The following MAP4K1 variants were observed in gnomAD, a reference collection of about 807,000 sequenced individuals.
MAP4K1 encodes mitogen-activated protein kinase kinase kinase kinase 1.
In MAP4K1, 35 loss-of-function variants were observed where a neutral mutation model predicts 122.8. That is an observed-to-expected ratio of 0.29 (90% confidence interval 0.22 to 0.38). The LOEUF (loss-of-function observed/expected upper bound fraction) is 0.38, where lower values mean the gene tolerates loss of function less well. MAP4K1 is among the 10% of genes least tolerant of loss of function. The pLI, the probability that MAP4K1 is intolerant of heterozygous loss-of-function variation, is 1.00. For synonymous variants in MAP4K1, 412 were observed against 421.3 expected (o/e 0.98, Z 0.27); for missense variants, 791 against 1,072.6 (o/e 0.74, Z 3.67).
chr19:38,614,921 CAAAAAAAAAAAA>C (rs562410574), intron 4 of MAP4K1: 22 of 21,576 alleles, frequency 1.0e-3, no homozygotes, highest in Admixed American at 4.2e-3. Flanking sequence ...GGCTCTGTCT[CAAAAAAAAAAAA>C]AAAAAAAAAA....
intron 11 of MAP4K1, among the ~76,000 whole-genome samples, chr19:38,610,356 C>G (rs2144735510): frequency 1.3e-5 from 2 of 149,496 alleles, no homozygotes; most frequent in South Asian, 4.2e-4. Context: ...CAGGCTCGTG[C>G]CACCACGCCC....
At chr19:38,593,801 AAC>A (rs1974795346) in intron 29 of MAP4K1, among the ~76,000 whole-genome samples, 1 of 152,186 alleles carries the variant, frequency 6.6e-6, no homozygotes, top group Admixed American at 6.6e-5. Context: ...GAATCGCTTG[AAC>A]CTGGGTGGCA....
At position 38,600,151 on chromosome 19, in the gene MAP4K1, G is replaced by T; in HGVS notation, c.1534C>A (p.Gln512Lys). Residue 512 changes from glutamine to lysine, a missense_variant and splice_region_variant, in exon 21 of 31, where the codon CAG (glutamine) becomes AAG (lysine). Gln to Lys is a moderately conservative substitution (Grantham distance 53). Around this residue, in one of 4 missense-constraint regions of MAP4K1, gnomAD observed 58 missense variants for 118.7 expected, o/e 0.49. Transcript: ENST00000396857. ...AAWTHPSTKD[Q>K]HLLLGAEEGI... is the part of the protein sequence containing the mutation. ...TCCTCTGCCCCCAGGAGCAGGTGCT[G>T]GTCTGGAGGCACAGACAAGGACGCT... The T allele has an allele frequency of 6.2e-7, 1 of 1,614,014 alleles. No individual in the cohort carries two copies. The highest frequency in any genetic ancestry group is 1.1e-5 in the South Asian group (1 of 91,082).
chr19:38,593,389 C>T (rs1252080974), intron 29 of MAP4K1, 52 bp from the exon 30 acceptor site: 3 of 1,501,200 alleles, frequency 2.0e-6, no homozygotes, highest in South Asian at 2.4e-5. Flanking sequence ...TCCACTGTCA[C>T]TACGAACATG....
intron 8 of MAP4K1, among the ~76,000 whole-genome samples, chr19:38,613,101 A>C (rs1293375487): frequency 2.6e-5 from 4 of 152,098 alleles, no homozygotes; most frequent in African/African-American, 7.2e-5. Context: ...TGAGGTGAGG[A>C]GTTCGAGACC....
intron 30 of MAP4K1, 150 bp downstream of exon 30, chr19:38,593,132 A>G: frequency 1.6e-6 from 1 of 611,390 alleles, no homozygotes; most frequent in Non-Finnish European, 2.7e-6. Context: ...TGCAGTGCAG[A>G]GAACAGACTC....
intron 30 of MAP4K1, among the ~76,000 whole-genome samples, chr19:38,592,830 T>C (rs1032521676): frequency 3.3e-5 from 5 of 151,774 alleles, no homozygotes; most frequent in Non-Finnish European, 7.4e-5. Flanking sequence ...GGCAAGAGAA[T>C]CGCTTGAACC....
In MAP4K1 at chr19:38,607,559, C is replaced by CAA. The variant is rs759008757; in HGVS notation, c.1157+303_1157+304dup. On this transcript the variant is annotated intron_variant, in intron 16 of 30. Transcript: ENST00000396857. Reference sequence around the variant, plus strand: ...TGGGCCACAGAGTGAGACTCCATCTCAAAAAAAAAAAAAAAAAAAAAGAAG... The same window carrying CAA: ...TGGGCCACAGAGTGAGACTCCATCTCAAAAAAAAAAAAAAAAAAAAAAAGAAG... Among the ~76,000 whole-genome samples the CAA allele has an allele frequency of 1.2e-3, 66 of 54,842 alleles. 1 individual carries two copies. Among genetic ancestry groups the CAA allele is most frequent in the Non-Finnish European group, 1.5e-3 (42 of 28,096 alleles). The allele number at this position is 54,842 out of a possible 152,430, so 36.0% of individuals were successfully genotyped here.
chr19:38,595,624 C>T lies in MAP4K1; in HGVS notation c.2269+16G>A. On this transcript the variant is annotated intron_variant, in intron 28 of 30. Coordinates refer to ENST00000396857, the MANE Select transcript of MAP4K1 (RefSeq NM_001042600.3). The stretch of plus-strand genomic sequence containing the variant: ...TTTCCACCCCTGATCCTGGGCTCTC[C>T]CGTCCCTGCACAGACCCACGGCCTC... The T allele has an allele frequency of 6.2e-7, 1 of 1,614,022 alleles. No homozygotes were observed. The highest frequency in any genetic ancestry group is 8.5e-7 in the Non-Finnish European group (1 of 1,179,932).
At position 38,599,871 on chromosome 19, in the gene MAP4K1, A is replaced by G. The variant is rs1975008732; in HGVS notation, c.1669+54T>C. 1.0e-5 allele frequency: 16 copies of G among 1,557,280 alleles called. No individual in the cohort carries two copies. In the Admixed American group the frequency reaches 1.2e-4, roughly 11 times the overall value. On this transcript the variant is annotated intron_variant, in intron 22 of 30. Coordinates refer to ENST00000396857, the MANE Select transcript of MAP4K1 (RefSeq NM_001042600.3). ...TGCCCGTCTACTTCCCAGCCCCCGAACCCTTGGACCCCTTAACTTCCGACC... is the reference window on the plus strand; with the variant it reads ...TGCCCGTCTACTTCCCAGCCCCCGAGCCCTTGGACCCCTTAACTTCCGACC...
At position 38,614,285 on chromosome 19, in the gene MAP4K1, G is replaced by T; in HGVS notation, c.377C>A (p.Ala126Asp). 1 of 1,614,174 alleles carries T rather than the reference G, an allele frequency of 6.2e-7. No individual in the cohort carries two copies. The highest frequency in any genetic ancestry group is 8.5e-7 in the Non-Finnish European group (1 of 1,180,010). The change falls in exon 6 of 31, where the codon GCC (alanine) becomes GAC (aspartate). Residue 126 changes from alanine (A) to aspartate (D), a missense_variant. By Grantham distance (126) the Ala-to-Asp change is moderately radical. Around this residue, in one of 4 missense-constraint regions of MAP4K1, gnomAD observed 163 missense variants for 286.1 expected, o/e 0.57. Transcript: ENST00000396857. Reference sequence around the variant, plus strand: ...TATCTTCTTCTGTGAGTGCAAATAGGCCAGTCCCTGGGGAGAAGGGTGGAC... The same window carrying T: ...TATCTTCTTCTGTGAGTGCAAATAGTCCAGTCCCTGGGGAGAAGGGTGGAC... ...YVCREVLQGL[A>D]YLHSQKKIHR...
chr19:38,600,197 G>A, intron 20 of MAP4K1, 44 bp from the exon 21 acceptor site: 1 of 1,547,306 alleles, frequency 6.5e-7, no homozygotes, highest in South Asian at 1.1e-5. Context: ...TCATCCTCAG[G>A]GACCTCCCAG....
chr19:38,609,721 C>G lies in MAP4K1; in HGVS notation c.928-47G>C, dbSNP rs201200182. On this transcript the variant is annotated intron_variant, in intron 12 of 30. Transcript: ENST00000396857. ...TCAGGGCTCAAGACCCCCAAGCAGCCTCCTACCCTGCCCGGGGTCCATCTG... is the reference window on the plus strand; with the variant it reads ...TCAGGGCTCAAGACCCCCAAGCAGCGTCCTACCCTGCCCGGGGTCCATCTG... The G allele has an allele frequency of 5.7e-4, 880 of 1,546,620 alleles. 6 individuals are homozygous for G. The African/African-American group carries it at 9.9e-3, about 17-fold the overall frequency.
chr19:38,593,605 G>A (rs1053441520), intron 29 of MAP4K1, among the ~76,000 whole-genome samples: 1 of 152,234 alleles, frequency 6.6e-6, no homozygotes, highest in Admixed American at 6.5e-5. Flanking sequence ...CAGGATCTGA[G>A]GCAGAAGAAT....
intron 16 of MAP4K1, among the ~76,000 whole-genome samples, chr19:38,607,212 GGT>G (rs1975354176): frequency 6.6e-6 from 1 of 151,986 alleles, no homozygotes; most frequent in Admixed American, 6.6e-5. Context: ...TCAGCTCTGG[GGT>G]GGAGAGCAGG....
chr19:38,596,358 C>G lies in MAP4K1; in HGVS notation c.2070G>C (p.Thr690=), dbSNP rs1974881496. 1.9e-6 allele frequency: 3 copies of G among 1,602,254 alleles called. No individual in the cohort carries two copies. Among genetic ancestry groups the G allele is most frequent in the Non-Finnish European group, 2.6e-6 (3 of 1,176,246 alleles). The part of the protein sequence containing the change: ...GRPGKSVLFH[T]VRFGALSCWL... Reference sequence around the variant, plus strand: ...AGCAAGAGAGCGCGCCAAAGCGCACCGTGTGGAAGAGCACCGACTTCCCCG... The same window carrying G: ...AGCAAGAGAGCGCGCCAAAGCGCACGGTGTGGAAGAGCACCGACTTCCCCG... Residue 690 remains threonine (T), a synonymous_variant, in exon 26 of 31, where the codon ACG becomes ACC. Transcript: ENST00000396857.
chr19:38,615,587 C>A (rs141462489), intron 4 of MAP4K1, among the ~76,000 whole-genome samples: 3 of 152,184 alleles, frequency 2.0e-5, no homozygotes, highest in Non-Finnish European at 4.4e-5. Context: ...GAGAGACAGA[C>A]AGACAGAGAG....
chr19:38,612,370 A>G (rs544837183), intron 9 of MAP4K1, among the ~76,000 whole-genome samples: 1 of 152,078 alleles, frequency 6.6e-6, no homozygotes, highest in South Asian at 2.1e-4. Flanking sequence ...CAGTGAGCCA[A>G]GATTGTGCCA....
rs781129679 is a variant in MAP4K1, at chr19:38,611,032, T to C, written c.810+19A>G. 4 of 1,600,598 alleles carry C rather than the reference T, an allele frequency of 2.5e-6. No individual in the cohort carries two copies. The highest frequency in any genetic ancestry group is 3.4e-6 in the Non-Finnish European group (4 of 1,170,154). On this transcript the variant is annotated intron_variant, in intron 11 of 30. Coordinates refer to ENST00000396857, the MANE Select transcript of MAP4K1 (RefSeq NM_001042600.3). ...CCCAGGGAATCCTAGGCTGAGGATC[T>C]TGGGGAAGGGAGGGTTACACTGAGC...
Sources: gnomAD v4.1 joint callset for allele counts (sites outside exome capture counted in the v4.1 genomes callset) on GRCh38, gnomAD v4.1.1 for gene constraint, gnomAD v4.1.1 regional missense constraint, MANE v1.5 for transcripts, NCBI Gene and HGNC (gene_info 2026-07-23, HGNC 2026-07-21) for gene names.